Variants in CFAP52 observed in about 807,000 individuals in gnomAD.
CFAP52 encodes the protein cilia and flagella associated protein 52.
Under a neutral mutation model 70.5 loss-of-function variants are expected in CFAP52, and 57 were observed. That is an observed-to-expected ratio of 0.81 (90% CI 0.65 to 1.01). The LOEUF (loss-of-function observed/expected upper bound fraction) is 1.01. CFAP52 is among the 50% of genes least tolerant of loss of function. The probability of loss-of-function intolerance (pLI) is 0.00; values close to 1 mark genes in which losing one functional copy is unlikely to be tolerated. For synonymous variants in CFAP52, 267 were observed against 292.5 expected (o/e 0.91, Z 0.89); for missense variants, 785 against 788.5 (o/e 1.00, Z 0.05).
In CFAP52 at chr17:9,635,514, T is replaced by C. The variant is rs77840450; in HGVS notation, c.1430T>C (p.Val477Ala). The C allele has an allele frequency of 5.6e-6, 9 of 1,614,056 alleles. No individual in the cohort carries two copies. The Admixed American group carries it at 1.3e-4, about 24-fold the overall frequency. Residue 477 changes from valine (V) to alanine (A), a missense_variant, in exon 11 of 14, where the codon GTC (valine) becomes GCC (alanine). Physicochemically the swap from Val to Ala is moderately conservative, Grantham distance 64. Transcript: ENST00000352665. ...GTGAAGAGGAACAACGAGGAGTGTG[T>C]CACCGCCAGCACCGATGGGACTTGT... Reference protein sequence around the residue: ...IRVKRNNEECVTASTDGTCII... With the variant: ...IRVKRNNEECATASTDGTCII...
intron 1 of CFAP52, among the ~76,000 whole-genome samples, chr17:9,585,506 A>C (rs909687840): frequency 1.3e-5 from 2 of 152,088 alleles, no homozygotes; most frequent in Non-Finnish European, 2.9e-5. Context: ...GTCTCTACTA[A>C]AAATACAAAA....
chr17:9,636,795 C>T (rs533868045), intron 11 of CFAP52, among the ~76,000 whole-genome samples: 3 of 152,234 alleles, frequency 2.0e-5, no homozygotes, highest in Non-Finnish European at 2.9e-5. Flanking sequence ...GCCTGTAACC[C>T]CAGCACTTTG....
intron 13 of CFAP52, among the ~76,000 whole-genome samples, chr17:9,642,054 G>A (rs1056319883): frequency 9.2e-5 from 14 of 152,162 alleles, no homozygotes; most frequent in Non-Finnish European, 1.8e-4. Flanking sequence ...AGCCTTAAGA[G>A]CACAAATAAA....
intron 6 of CFAP52, among the ~76,000 whole-genome samples, chr17:9,601,532 T>A (rs1212963750): frequency 2.0e-5 from 3 of 152,220 alleles, no homozygotes; most frequent in Non-Finnish European, 4.4e-5. Context: ...AAGAGAAGTG[T>A]GCTCTTTGAT....
In CFAP52 at chr17:9,594,320, A is replaced by G. The variant is rs1268637045; in HGVS notation, c.535A>G (p.Asn179Asp). The G allele has an allele frequency of 6.2e-7, 1 of 1,612,084 alleles. No homozygotes were observed. Among genetic ancestry groups the G allele is most frequent in the Admixed American group, 1.7e-5 (1 of 59,498 alleles). Residue 179 changes from asparagine to aspartate, a missense_variant and splice_region_variant, in exon 4 of 14, where the codon AAT becomes GAT. Asn to Asp is a conservative substitution (Grantham distance 23, BLOSUM62 1). Transcript: ENST00000352665. ...GGATGAGATGTTTATGACTGCTGGA[A>G]AGTATGTGTCTGCGTTCGGAGTTTT... Reference protein sequence around the residue: ...CRDEMFMTAGNGTIRVWELDL... With the variant: ...CRDEMFMTAGDGTIRVWELDL...
At chr17:9,577,430 C>G (rs1040431762) in intron 1 of CFAP52, among the ~76,000 whole-genome samples, 3 of 152,140 alleles carry the variant, frequency 2.0e-5, no homozygotes, top group African/African-American at 7.2e-5. Context: ...TTTGAAGATT[C>G]TGGGAAGAAA....
chr17:9,578,240 C>A (rs1481996310), intron 1 of CFAP52, among the ~76,000 whole-genome samples: 1 of 152,102 alleles, frequency 6.6e-6, no homozygotes, highest in Non-Finnish European at 1.5e-5. Context: ...GGGATGGAGA[C>A]CTAACATTTA....
chr17:9,640,228 T>A (rs200770987), intron 12 of CFAP52, among the ~76,000 whole-genome samples: 10,316 of 151,412 alleles, frequency 0.068, 360 homozygotes, highest in South Asian at 0.12. Flanking sequence ...AGCACTCTTT[T>A]TTTTTTTTTT....
intron 1 of CFAP52, among the ~76,000 whole-genome samples, chr17:9,579,820 G>A (rs1478205706): frequency 2.6e-5 from 4 of 152,062 alleles, no homozygotes; most frequent in South Asian, 2.1e-4. Context: ...CACCCGCCTC[G>A]GCCTCCCAAA....
chr17:9,622,825 C>T (rs902168451), intron 8 of CFAP52, among the ~76,000 whole-genome samples: 4 of 152,130 alleles, frequency 2.6e-5, no homozygotes, highest in Non-Finnish European at 5.9e-5. Flanking sequence ...CCCCCAAACA[C>T]CCCTTCCAAT....
intron 8 of CFAP52, among the ~76,000 whole-genome samples, chr17:9,626,234 GTTC>G (rs1447195994): frequency 1.3e-5 from 2 of 152,130 alleles, no homozygotes; most frequent in Admixed American, 6.6e-5. Context: ...TTGGAAGAAA[GTTC>G]TTCTTTTTTG....
chr17:9,641,638 A>G (rs1275986381), intron 12 of CFAP52, 86 bp from the exon 13 acceptor site: 54 of 963,996 alleles, frequency 5.6e-5, no homozygotes, highest in Admixed American at 1.5e-4. Context: ...TCCCTTCTAT[A>G]TAAAGTAGAG....
At chr17:9,613,119 C>T (rs1242563255) in intron 8 of CFAP52, among the ~76,000 whole-genome samples, 1 of 151,898 alleles carries the variant, frequency 6.6e-6, no homozygotes. Flanking sequence ...CATCTTAAGA[C>T]ACGAAGTATC....
intron 12 of CFAP52, among the ~76,000 whole-genome samples, chr17:9,640,476 G>C (rs1231373478): frequency 6.9e-6 from 1 of 144,672 alleles, no homozygotes; most frequent in African/African-American, 2.6e-5. Context: ...GCTTCCACTT[G>C]TAAGTGAGAA....
chr17:9,642,107 T>C (rs574356474), intron 13 of CFAP52, among the ~76,000 whole-genome samples: 172 of 152,338 alleles, frequency 1.1e-3, no homozygotes, highest in African/African-American at 3.9e-3. Flanking sequence ...TTGGTGGGCA[T>C]TGATAATAGA....
Position 9,638,712 on chromosome 17 carries a change from G to A in CFAP52, c.1575+1G>A. The A allele has an allele frequency of 2.5e-6, 4 of 1,613,898 alleles. No individual in the cohort carries two copies. Among genetic ancestry groups the A allele is most frequent in the Middle Eastern group, 1.7e-4 (1 of 6,058 alleles). On this transcript the variant is annotated splice_donor_variant, in intron 12 of 13. Transcript: ENST00000352665. LOFTEE classifies it high-confidence loss of function. ...CATCACCAGCGGAACAGACAGAAAG[G>A]TGAGTCCTCCCAGTGAGAGATGAGA... is the stretch of plus-strand genomic sequence containing the variant.
At chr17:9,591,151 C>A (rs1165539500) in intron 3 of CFAP52, among the ~76,000 whole-genome samples, 1 of 147,924 alleles carries the variant, frequency 6.8e-6, no homozygotes, top group Non-Finnish European at 1.5e-5. Context: ...GATTCTCCTG[C>A]CTCAGCCTCC....
chr17:9,586,650 A>G, intron 2 of CFAP52, 48 bp from the exon 3 acceptor site: 1 of 1,543,932 alleles, frequency 6.5e-7, no homozygotes, highest in South Asian at 1.3e-5. Flanking sequence ...ATCTCCTCAG[A>G]TGCTTTTAAT....
At chr17:9,631,056 A>AGAGAGAGAGAGAGAGAGAGAGAGGG (rs1229380118) in intron 9 of CFAP52, among the ~76,000 whole-genome samples, 1 of 70,876 alleles carries the variant, frequency 1.4e-5, no homozygotes, top group Admixed American at 1.3e-4. Flanking sequence ...GAGAGAGAGA[A>AGAGAGAGAGAGAGAGAGAGAGAGGG]AGAAAGAAAG....
Sources: allele counts gnomAD v4.1 joint callset (sites outside exome capture counted in the v4.1 genomes callset), GRCh38; gene constraint gnomAD v4.1.1; transcripts MANE v1.5; gene names NCBI Gene and HGNC (gene_info 2026-07-23, HGNC 2026-07-21).